KCNH7: variants seen among roughly 807,000 people sequenced by gnomAD.
KCNH7 encodes potassium voltage-gated channel subfamily H member 7, also known as voltage-gated inwardly rectifying potassium channel KCNH7.
In KCNH7, 49 loss-of-function variants were observed where a neutral mutation model predicts 120.8. That is an observed-to-expected ratio of 0.41 (90% CI 0.32 to 0.51). KCNH7 has a LOEUF of 0.51. KCNH7 is among the 20% of genes least tolerant of loss of function. The pLI is 0.38. For synonymous variants in KCNH7, 547 were observed against 516.1 expected (o/e 1.06, Z -0.81); for missense variants, 1,097 against 1,446.6 (o/e 0.76, Z 3.92).
chr2:162,765,340 T>C (rs1682748087), intron 2 of KCNH7, among the ~76,000 whole-genome samples: 1 of 152,210 alleles, frequency 6.6e-6, no homozygotes, highest in Non-Finnish European at 1.5e-5. Context: ...ACCATCAGCT[T>C]ACTTCTGACA....
At chr2:162,412,084 A>G (rs1687408221) in intron 9 of KCNH7, among the ~76,000 whole-genome samples, 1 of 152,040 alleles carries the variant, frequency 6.6e-6, no homozygotes, top group South Asian at 2.1e-4. Context: ...TTGGTTACAG[A>G]GAAAACAAAT....
intron 6 of KCNH7, among the ~76,000 whole-genome samples, chr2:162,452,780 A>G (rs537010716): frequency 6.6e-6 from 1 of 152,110 alleles, no homozygotes; most frequent in Non-Finnish European, 1.5e-5. Context: ...TGAATATATA[A>G]GAAGTATATT....
At chr2:162,593,695 T>C (rs1379400098) in intron 2 of KCNH7, among the ~76,000 whole-genome samples, 1 of 152,014 alleles carries the variant, frequency 6.6e-6, no homozygotes, top group Non-Finnish European at 1.5e-5. Flanking sequence ...ACAAAAATAA[T>C]ACAGCCATGA....
At chr2:162,540,063 A>G (rs1692251315) in intron 2 of KCNH7, among the ~76,000 whole-genome samples, 1 of 152,042 alleles carries the variant, frequency 6.6e-6, no homozygotes, top group Non-Finnish European at 1.5e-5. Context: ...ATGGAAACCT[A>G]ACCCAGCAAA....
intron 2 of KCNH7, among the ~76,000 whole-genome samples, chr2:162,647,138 A>T (rs1190842897): frequency 1.3e-5 from 2 of 152,174 alleles, no homozygotes; most frequent in Non-Finnish European, 2.9e-5. Flanking sequence ...ACCTTAGTTT[A>T]TGTGTCCACC....
intron 2 of KCNH7, among the ~76,000 whole-genome samples, chr2:162,710,772 T>C (rs951618191): frequency 6.6e-6 from 1 of 152,172 alleles, no homozygotes; most frequent in Non-Finnish European, 1.5e-5. Flanking sequence ...TTTTGCTGTT[T>C]CTGAATATAG....
intron 2 of KCNH7, among the ~76,000 whole-genome samples, chr2:162,577,573 C>T (rs766312853): frequency 1.1e-4 from 17 of 151,890 alleles, no homozygotes; most frequent in Non-Finnish European, 2.1e-4. Context: ...CTTAGCTTCC[C>T]CATTCCTATG....
In KCNH7 at chr2:162,443,322, C is replaced by T. The variant is rs202190306; in HGVS notation, c.1554+2696G>A. 1.1e-4 allele frequency among the ~76,000 whole-genome samples: 17 copies of T among 152,230 alleles called. No individual in the cohort carries two copies. The East Asian group carries it at 2.9e-3, about 26-fold the overall frequency. On this transcript the variant is annotated intron_variant, in intron 7 of 15. Transcript: ENST00000332142. ...TACATGTCACCTGTAGTTCAATAACCAATAGTCATCACAAACTTAAGTTGG... is the reference window on the plus strand; with the variant it reads ...TACATGTCACCTGTAGTTCAATAACTAATAGTCATCACAAACTTAAGTTGG...
intron 2 of KCNH7, among the ~76,000 whole-genome samples, chr2:162,640,027 G>T (rs983275175): frequency 6.6e-6 from 1 of 152,042 alleles, no homozygotes; most frequent in Non-Finnish European, 1.5e-5. Flanking sequence ...GAAACTACAC[G>T]ATGCTGATTT....
At chr2:162,613,056 G>A (rs1472371018) in intron 2 of KCNH7, among the ~76,000 whole-genome samples, 1 of 151,908 alleles carries the variant, frequency 6.6e-6, no homozygotes. Context: ...ATGACAGAAA[G>A]TAGAGAGAAA....
At chr2:162,624,468 C>T (rs1683472534) in intron 2 of KCNH7, among the ~76,000 whole-genome samples, 1 of 152,100 alleles carries the variant, frequency 6.6e-6, no homozygotes, top group African/African-American at 2.4e-5. Flanking sequence ...CATTGAAATC[C>T]TTTTCCCATC....
rs149607273 is a variant in KCNH7, at chr2:162,372,040, G to A, written c.3380C>T (p.Ser1127Leu). ...AGCTGTGTTCAGATGCACCCCACTT[G>A]AAAGGGATTCTTTGGATTTAAGTTT... is the stretch of plus-strand genomic sequence containing the variant. Reference protein sequence around the residue: ...KSKLKSKESLSSGVHLNTASE... With the variant: ...KSKLKSKESLLSGVHLNTASE... Residue 1127 changes from serine to leucine, a missense_variant, in exon 16 of 16, where the codon TCA becomes TTA. Around this residue, in one of 8 missense-constraint regions of KCNH7, gnomAD observed 406 missense variants for 410.5 expected, o/e 0.99. Transcript: ENST00000332142. 11 of 1,613,106 alleles carry A rather than the reference G, an allele frequency of 6.8e-6. No individual in the cohort carries two copies. In the African/African-American group the frequency reaches 1.3e-4, roughly 20 times the overall value.
intron 2 of KCNH7, among the ~76,000 whole-genome samples, chr2:162,720,590 A>G (rs958926996): frequency 2.6e-5 from 4 of 152,114 alleles, no homozygotes; most frequent in African/African-American, 9.7e-5. Context: ...AACAATATAT[A>G]CAATACTCTG....
intron 2 of KCNH7, among the ~76,000 whole-genome samples, chr2:162,768,131 G>T (rs946164030): frequency 1.3e-5 from 2 of 152,138 alleles, no homozygotes; most frequent in Non-Finnish European, 1.5e-5. Context: ...TATGTCCCAC[G>T]TTTTAAATTA....
At chr2:162,595,392 A>G (rs1270425945) in intron 2 of KCNH7, among the ~76,000 whole-genome samples, 5 of 152,058 alleles carry the variant, frequency 3.3e-5, no homozygotes, top group Admixed American at 3.3e-4. Context: ...TTACAGTTCA[A>G]TATGAGATTT....
intron 2 of KCNH7, among the ~76,000 whole-genome samples, chr2:162,777,692 C>G (rs767832914): frequency 6.6e-6 from 1 of 152,032 alleles, no homozygotes; most frequent in African/African-American, 2.4e-5. Flanking sequence ...AAGAAGAAAA[C>G]AGAAAGACCC....
intron 2 of KCNH7, among the ~76,000 whole-genome samples, chr2:162,808,701 A>G (rs554357925): frequency 4.3e-4 from 66 of 152,090 alleles, no homozygotes; most frequent in Admixed American, 1.4e-3. Context: ...ATACACACAC[A>G]TGCATATGCA....
Position 162,458,104 on chromosome 2 carries a change from C to CGTGT in KCNH7, c.1129-11665_1129-11662dup, listed in dbSNP as rs139079136. ...ATTAAAATAGATATTTGGCTATGTG[C>CGTGT]GTGTGTGTGTGTGTGTGTGTGTGTG... On this transcript the variant is annotated intron_variant, in intron 6 of 15. Coordinates refer to ENST00000332142, the MANE Select transcript of KCNH7 (RefSeq NM_033272.4). Among the ~76,000 whole-genome samples the CGTGT allele has an allele frequency of 2.2e-3, 292 of 130,912 alleles. 2 individuals carry two copies. The highest frequency in any genetic ancestry group is 6.1e-3 in the African/African-American group (220 of 36,174). 85.9% of individuals were successfully genotyped at this position (130,912 alleles called of 152,430 possible).
At chr2:162,665,275 T>A (rs1169767612) in intron 2 of KCNH7, among the ~76,000 whole-genome samples, 1 of 152,120 alleles carries the variant, frequency 6.6e-6, no homozygotes, top group Non-Finnish European at 1.5e-5. Flanking sequence ...GTCTTACCAC[T>A]ATTGAGTGTA....
Sources: gnomAD v4.1 joint callset for allele counts (sites outside exome capture counted in the v4.1 genomes callset) on GRCh38, gnomAD v4.1.1 for gene constraint, gnomAD v4.1.1 regional missense constraint, MANE v1.5 for transcripts, NCBI Gene and HGNC (gene_info 2026-07-23, HGNC 2026-07-21) for gene names.